Variants in RGS6 observed in about 807,000 individuals in gnomAD.
RGS6 encodes the protein regulator of G-protein signaling 6.
A neutral mutation model predicts 78.5 loss-of-function variants in RGS6; 30 were observed. That is an observed-to-expected ratio of 0.38 (90% CI 0.29 to 0.52). The LOEUF (loss-of-function observed/expected upper bound fraction) is 0.52, where lower values mean the gene tolerates loss of function less well. Among genes scored for constraint, RGS6 ranks in the 20% least tolerant of loss-of-function variants. The pLI is 0.85. For missense variants in RGS6, 495 were observed against 609.7 expected (o/e 0.81, Z 1.98); for synonymous variants, 206 against 206.0 (o/e 1.00, Z 0.00).
chr14:72,461,354 A>G (rs539904259), intron 6 of RGS6, among the ~76,000 whole-genome samples: 1 of 152,296 alleles, frequency 6.6e-6, no homozygotes, highest in East Asian at 1.9e-4. Flanking sequence ...GCTGCATACT[A>G]AAGGGCATCA....
intron 4 of RGS6, among the ~76,000 whole-genome samples, chr14:72,457,485 G>A (rs931041953): frequency 5.3e-5 from 8 of 151,296 alleles, no homozygotes; most frequent in African/African-American, 1.9e-4. Context: ...TTTTAATTGA[G>A]ACAGGGTCTC....
In RGS6 at chr14:72,273,184, A is replaced by G. The variant is rs7342518; in HGVS notation, c.85-78911A>G. Among the ~76,000 whole-genome samples the G allele has an allele frequency of 6.7e-3, 1,021 of 152,264 alleles. 15 individuals are homozygous for G. Among genetic ancestry groups the G allele is most frequent in the African/African-American group, 0.024 (977 of 41,540 alleles). On this transcript the variant is annotated intron_variant, in intron 2 of 17. Coordinates refer to ENST00000553525, the MANE Select transcript of RGS6 (RefSeq NM_001204424.2). The stretch of plus-strand genomic sequence containing the variant: ...GACTTGGAGATGTACGGGTTCACAT[A>G]TAATTGAAAGTGAGCATTCCACAGT...
At chr14:72,601,268 C>G in the RGS6 span, among the ~76,000 whole-genome samples, 2 of 152,160 alleles carry the variant, frequency 1.3e-5, no homozygotes, top group Non-Finnish European at 1.5e-5. Context: ...ACCATCATAG[C>G]CAGCAGCAGG....
At chr14:72,593,963 T>TGGGGGGGG in the RGS6 span, among the ~76,000 whole-genome samples, 1 of 10,118 alleles carries the variant, frequency 9.9e-5, no homozygotes, top group Non-Finnish European at 1.9e-4. Flanking sequence ...GGTGGGGGGG[T>TGGGGGGGG]GGGGGCGATT....
chr14:72,317,186 G>T (rs2070530569), intron 2 of RGS6, among the ~76,000 whole-genome samples: 1 of 151,994 alleles, frequency 6.6e-6, no homozygotes, highest in African/African-American at 2.4e-5. Flanking sequence ...ATAGAGATTT[G>T]AGGGGCATTT....
Position 72,564,731 on chromosome 14 carries a change from C to T in RGS6, c.*2264C>T. On this transcript the variant is annotated 3_prime_UTR_variant, in exon 18 of 18. Transcript: ENST00000553525. ...GCCCCCTTCTCCTTCTGACTGGTCT[C>T]ACCCTGGAGATCCCCAGAGGATCTG... 6.6e-6 allele frequency: 1 copy of T among 152,336 alleles called. No homozygotes were observed. The highest frequency in any genetic ancestry group is 6.5e-5 in the Admixed American group (1 of 15,288). The allele number at this position is 152,336 out of a possible 1,614,324, so 9.4% of individuals were successfully genotyped here.
intron 2 of RGS6, among the ~76,000 whole-genome samples, chr14:72,149,985 G>A (rs1303727516): frequency 6.6e-6 from 1 of 152,074 alleles, no homozygotes; most frequent in East Asian, 1.9e-4. Flanking sequence ...TTACTATTGG[G>A]CTACCCAAAA....
chr14:72,365,745 A>G (rs2082334525), intron 3 of RGS6, among the ~76,000 whole-genome samples: 1 of 152,140 alleles, frequency 6.6e-6, no homozygotes, highest in South Asian at 2.1e-4. Flanking sequence ...ATAAATATCT[A>G]ATAAAAATGT....
At chr14:72,493,247 A>G (rs1215304781) in intron 12 of RGS6, among the ~76,000 whole-genome samples, 1 of 152,216 alleles carries the variant, frequency 6.6e-6, no homozygotes, top group African/African-American at 2.4e-5. Context: ...ACTTGGAAGA[A>G]CCAAAATAAT....
chr14:71,931,610 T>G (rs1323914652), upstream of RGS6, among the ~76,000 whole-genome samples: 1 of 152,194 alleles, frequency 6.6e-6, no homozygotes, highest in Admixed American at 6.5e-5. Flanking sequence ...CAGGACTAAA[T>G]CTCAAATTTA....
intron 13 of RGS6, among the ~76,000 whole-genome samples, chr14:72,504,921 A>ATTTTTT (rs34953560): frequency 7.8e-4 from 59 of 76,076 alleles, no homozygotes; most frequent in Middle Eastern, 8.2e-3. Flanking sequence ...CGCCCAGCTA[A>ATTTTTT]TTTTTTTTTT....
the RGS6 span, among the ~76,000 whole-genome samples, chr14:72,600,158 C>T: frequency 6.6e-6 from 1 of 152,084 alleles, no homozygotes; most frequent in Admixed American, 6.5e-5. Context: ...CTTGTTACTG[C>T]CTTCACTCTC....
the RGS6 span, among the ~76,000 whole-genome samples, chr14:72,591,478 A>G: frequency 1.3e-5 from 2 of 152,082 alleles, no homozygotes; most frequent in African/African-American, 4.8e-5. Context: ...TGATCTCTCT[A>G]TTGGCTTCAG....
intron 3 of RGS6, among the ~76,000 whole-genome samples, chr14:72,390,869 CT>C (rs149462191): frequency 9.7e-4 from 147 of 152,262 alleles, no homozygotes; most frequent in Non-Finnish European, 1.9e-3. Context: ...GGTTTTCTGG[CT>C]TTTATTCCAG....
intron 2 of RGS6, among the ~76,000 whole-genome samples, chr14:72,128,864 C>T (rs559638430): frequency 9.2e-5 from 14 of 152,280 alleles, no homozygotes; most frequent in East Asian, 1.9e-4. Context: ...AGACACACAG[C>T]GACCAGCCTA....
intron 2 of RGS6, among the ~76,000 whole-genome samples, chr14:71,996,603 G>T (rs552726696): frequency 4.1e-4 from 63 of 152,258 alleles, no homozygotes; most frequent in African/African-American, 1.5e-3. Flanking sequence ...CAGTAAAATT[G>T]GGCGTTTTCA....
At chr14:72,537,222 C>T (rs1224017408) in intron 16 of RGS6, among the ~76,000 whole-genome samples, 1 of 152,198 alleles carries the variant, frequency 6.6e-6, no homozygotes, top group Non-Finnish European at 1.5e-5. Flanking sequence ...CTCCTCCCTC[C>T]TGGACTCCCA....
At chr14:72,412,057 G>C (rs545298895) in intron 3 of RGS6, among the ~76,000 whole-genome samples, 20 of 152,198 alleles carry the variant, frequency 1.3e-4, no homozygotes, top group African/African-American at 4.3e-4. Flanking sequence ...GCCAGGCTTT[G>C]GTATCAGGAT....
At chr14:71,932,060 C>T (rs989735702), upstream of RGS6, among the ~76,000 whole-genome samples, 2 of 152,242 alleles carry the variant, frequency 1.3e-5, no homozygotes, top group East Asian at 1.9e-4. Context: ...CCTAAGAGAA[C>T]CTTGACGCCG....
Sources: allele counts gnomAD v4.1 joint callset (sites outside exome capture counted in the v4.1 genomes callset), GRCh38; gene constraint gnomAD v4.1.1; transcripts MANE v1.5; gene names NCBI Gene and HGNC (gene_info 2026-07-23, HGNC 2026-07-21).